TADA2A: variants seen among roughly 807,000 people sequenced by gnomAD.
The protein encoded by TADA2A is transcriptional adapter 2-alpha.
TADA2A carries 38 observed loss-of-function variants against 67.4 expected under a neutral mutation model. That is an observed-to-expected ratio of 0.56 (90% confidence interval 0.44 to 0.74). The LOEUF (loss-of-function observed/expected upper bound fraction) is 0.74. Among genes scored for constraint, TADA2A ranks in the 30% least tolerant of loss-of-function variants. The pLI is 0.00. For synonymous variants in TADA2A, 192 were observed against 181.6 expected, an observed-to-expected ratio of 1.06 and a Z score of -0.46; for missense variants, 454 against 547.0, an observed-to-expected ratio of 0.83 and a Z score of 1.70.
Position 37,476,874 on chromosome 17 carries a change from A to G in TADA2A, c.1224A>G (p.Gln408=), listed in dbSNP as rs898095986. 4 of 1,614,246 alleles carry G rather than the reference A, an allele frequency of 2.5e-6. No individual in the cohort carries two copies. The Admixed American group carries it at 6.7e-5, about 27-fold the overall frequency. Residue 408 remains glutamine (Q), a synonymous_variant, in exon 16 of 16, where the codon CAA becomes CAG. Transcript: ENST00000615182. ...KSALLNECNK[Q]GGLRLAQARA... ...CTCTATTGAACGAATGTAACAAGCA[A>G]GGAGGCTTAAGACTGGCGCAGGCAA...
chr17:37,462,132 G>C lies in TADA2A; in HGVS notation c.712+11G>C, dbSNP rs760761334. On this transcript the variant is annotated intron_variant, in intron 10 of 15. Transcript: ENST00000615182. ...TTAGAAAGTTTCAATGTAAGTATTAGCAGTTTTCTTTATTTTACAATTTTT... is the reference window on the plus strand; with the variant it reads ...TTAGAAAGTTTCAATGTAAGTATTACCAGTTTTCTTTATTTTACAATTTTT... 6.6e-7 allele frequency: 1 copy of C among 1,513,656 alleles called. No individual in the cohort carries two copies. Among genetic ancestry groups the C allele is most frequent in the Non-Finnish European group, 9.0e-7 (1 of 1,105,992 alleles). 93.8% of individuals were successfully genotyped at this position (1,513,656 alleles called of 1,614,324 possible). A position where few individuals can be genotyped will look rare whatever the true frequency, so the allele number is the denominator to read the frequency against.
intron 7 of TADA2A, 109 bp downstream of exon 7, chr17:37,442,761 G>A: frequency 9.7e-7 from 1 of 1,033,690 alleles, no homozygotes; most frequent in Middle Eastern, 2.1e-4. Flanking sequence ...ATTTTTCAAG[G>A]CACTATAATT....
intron 1 of TADA2A, among the ~76,000 whole-genome samples, chr17:37,410,290 A>ATCC (rs760147462): frequency 2.3e-4 from 34 of 150,970 alleles, no homozygotes; most frequent in Non-Finnish European, 4.1e-4. Context: ...GTTCCACCTC[A>ATCC]TCCTCCTGAG....
chr17:37,430,917 G>A (rs2052548503), intron 4 of TADA2A, among the ~76,000 whole-genome samples: 1 of 152,108 alleles, frequency 6.6e-6, no homozygotes, highest in Admixed American at 6.6e-5. Flanking sequence ...GAGTGATTAT[G>A]AATTTAGTAT....
chr17:37,423,930 A>T (rs1460436280), intron 3 of TADA2A, among the ~76,000 whole-genome samples: 2 of 151,750 alleles, frequency 1.3e-5, no homozygotes, highest in African/African-American at 4.8e-5. Context: ...TTGTATTTTT[A>T]GTAGAGACGG....
At chr17:37,426,730 A>T in intron 3 of TADA2A, 1 of 373,002 alleles carries the variant, frequency 2.7e-6, no homozygotes, top group Non-Finnish European at 4.8e-6. Flanking sequence ...CTGTAATCTT[A>T]GCACTTTGGG....
At chr17:37,443,406 A>G (rs1055576397) in intron 7 of TADA2A, among the ~76,000 whole-genome samples, 2 of 152,058 alleles carry the variant, frequency 1.3e-5, no homozygotes, top group Admixed American at 6.6e-5. Flanking sequence ...GGTTCCTGCC[A>G]CCATGCCTGG....
intron 10 of TADA2A, among the ~76,000 whole-genome samples, chr17:37,465,110 C>T (rs1025474052): frequency 1.9e-4 from 29 of 148,756 alleles, no homozygotes; most frequent in African/African-American, 5.0e-4. Context: ...ATCACCCCAA[C>T]GCACTCCAGC....
chr17:37,441,899 C>T (rs1049124608), intron 6 of TADA2A, among the ~76,000 whole-genome samples: 8 of 152,052 alleles, frequency 5.3e-5, no homozygotes, highest in African/African-American at 1.9e-4. Flanking sequence ...AACTCCTGAC[C>T]TTATGATCTG....
In TADA2A at chr17:37,464,653, A is replaced by G. The variant is rs1019335591; in HGVS notation, c.713-778A>G. Reference sequence around the variant, plus strand: ...TCAGTAGTTCAAGACCAGCCTGGCCAACATGGTGAAACCTCGTCTCTACTA... The same window carrying G: ...TCAGTAGTTCAAGACCAGCCTGGCCGACATGGTGAAACCTCGTCTCTACTA... On this transcript the variant is annotated intron_variant, in intron 10 of 15. Transcript: ENST00000615182. Among the ~76,000 whole-genome samples, 5 of 151,450 alleles carry G rather than the reference A, an allele frequency of 3.3e-5. No individual in the cohort carries two copies. In the East Asian group the frequency reaches 7.8e-4, roughly 24 times the overall value.
At chr17:37,415,645 C>T (rs2052018317) in intron 2 of TADA2A, among the ~76,000 whole-genome samples, 1 of 149,186 alleles carries the variant, frequency 6.7e-6, no homozygotes, top group South Asian at 2.1e-4. Flanking sequence ...TTTGGGAGGC[C>T]GAGGTGGGTG....
intron 5 of TADA2A, among the ~76,000 whole-genome samples, chr17:37,439,445 G>A (rs368732731): frequency 6.6e-6 from 1 of 151,944 alleles, no homozygotes; most frequent in East Asian, 1.9e-4. Context: ...ACCACCCCTG[G>A]CTAATCTTTG....
At chr17:37,432,925 ATTTTTTTTTT>A (rs1046006991) in intron 4 of TADA2A, among the ~76,000 whole-genome samples, 1 of 52,208 alleles carries the variant, frequency 1.9e-5, no homozygotes, top group Non-Finnish European at 3.4e-5. Context: ...TGGTATTACA[ATTTTTTTTTT>A]TTTTTTTTTT....
chr17:37,471,253 G>GATTACTGT, intron 14 of TADA2A, 116 bp downstream of exon 14: 2 of 1,006,374 alleles, frequency 2.0e-6, no homozygotes, highest in Non-Finnish European at 3.0e-6. Flanking sequence ...CAGAGTAACA[G>GATTACTGT]TAATCAAGTG....
chr17:37,463,932 G>A (rs567613572), intron 10 of TADA2A, among the ~76,000 whole-genome samples: 4 of 151,748 alleles, frequency 2.6e-5, no homozygotes, highest in African/African-American at 9.7e-5. Flanking sequence ...CAGCCTGGGC[G>A]ACACAGCGAG....
At chr17:37,465,896 A>T (rs1489769901) in intron 11 of TADA2A, among the ~76,000 whole-genome samples, 1 of 152,214 alleles carries the variant, frequency 6.6e-6, no homozygotes, top group Non-Finnish European at 1.5e-5. Context: ...GTCTGGTTTC[A>T]TCTTTACCAC....
intron 6 of TADA2A, 69 bp from the exon 7 acceptor site, chr17:37,442,495 G>T: frequency 1.4e-5 from 16 of 1,111,748 alleles, no homozygotes; most frequent in South Asian, 7.7e-5. Flanking sequence ...TTTATTCTTG[G>T]ACTATTATGT....
At chr17:37,451,296 G>A (rs983311222) in intron 8 of TADA2A, among the ~76,000 whole-genome samples, 2 of 148,366 alleles carry the variant, frequency 1.3e-5, no homozygotes, top group African/African-American at 5.0e-5. Flanking sequence ...GCCTCCCAAA[G>A]TCTGGGATTA....
At chr17:37,473,546 C>T (rs1701638590) in intron 14 of TADA2A, among the ~76,000 whole-genome samples, 1 of 152,160 alleles carries the variant, frequency 6.6e-6, no homozygotes, top group African/African-American at 2.4e-5. Flanking sequence ...AACAGTCCCT[C>T]CCCTTTCTCT....
Sources: gnomAD v4.1 joint callset for allele counts (sites outside exome capture counted in the v4.1 genomes callset) on GRCh38, gnomAD v4.1.1 for gene constraint, MANE v1.5 for transcripts, NCBI Gene and HGNC (gene_info 2026-07-23, HGNC 2026-07-21) for gene names.